The following FHOD3 variants were observed in gnomAD, a reference collection of about 807,000 sequenced individuals.
The protein encoded by FHOD3 is formin homology 2 domain containing 3.
Under a neutral mutation model 173.0 loss-of-function variants are expected in FHOD3, and 90 were observed. That is an observed-to-expected ratio of 0.52 (90% CI 0.44 to 0.62). FHOD3 has a LOEUF of 0.62. Among genes scored for constraint, FHOD3 ranks in the 20% least tolerant of loss-of-function variants. The pLI is 0.00. For missense variants in FHOD3, 1,945 were observed against 2,034.7 expected (o/e 0.96, Z 0.85); for synonymous variants, 828 against 823.0 (o/e 1.01, Z -0.10).
intron 12 of FHOD3, 137 bp downstream of exon 12, chr18:36,653,066 A>C: frequency 8.2e-7 from 1 of 1,213,434 alleles, no homozygotes; most frequent in South Asian, 1.6e-5. Flanking sequence ...TTGTGGCATA[A>C]ACTTAAGTTG....
chr18:36,398,285 A>G (rs2048645679), intron 3 of FHOD3, among the ~76,000 whole-genome samples: 1 of 152,224 alleles, frequency 6.6e-6, no homozygotes, highest in Non-Finnish European at 1.5e-5. Context: ...TGGGATGCTG[A>G]TGGCATCTCA....
At chr18:36,334,014 C>T (rs2045167120) in intron 1 of FHOD3, among the ~76,000 whole-genome samples, 1 of 152,194 alleles carries the variant, frequency 6.6e-6, no homozygotes. Flanking sequence ...GAGGCCTTGA[C>T]TGACCCCTGT....
intron 5 of FHOD3, among the ~76,000 whole-genome samples, chr18:36,566,321 T>A (rs527796226): frequency 2.6e-5 from 4 of 152,236 alleles, no homozygotes; most frequent in South Asian, 2.1e-4. Flanking sequence ...TAAACATTTT[T>A]AAAAAATCAA....
intron 8 of FHOD3, 109 bp downstream of exon 8, chr18:36,602,877 GAT>G (rs1285224040): frequency 2.4e-6 from 2 of 833,272 alleles, no homozygotes; most frequent in East Asian, 2.6e-5. Context: ...TGTCGTAGCA[GAT>G]ATAATCTGGT....
chr18:36,738,973 G>A (rs2041775771), intron 20 of FHOD3, among the ~76,000 whole-genome samples: 1 of 152,180 alleles, frequency 6.6e-6, no homozygotes, highest in Non-Finnish European at 1.5e-5. Flanking sequence ...AGCAGGACTT[G>A]TTTTCTGGTC....
chr18:36,450,447 A>G (rs397832839), intron 3 of FHOD3, among the ~76,000 whole-genome samples: 62 of 82,260 alleles, frequency 7.5e-4, no homozygotes, highest in East Asian at 1.3e-3. Context: ...CAGTTTGTTT[A>G]TTTATTTATT....
chr18:36,298,143 C>G (rs1345314756), intron 1 of FHOD3, 143 bp downstream of exon 1: 14 of 714,736 alleles, frequency 2.0e-5, no homozygotes, highest in Non-Finnish European at 2.9e-5. Flanking sequence ...GCAAATCCCC[C>G]TCCCCGTTAG....
chr18:36,482,854 C>G (rs1283613919), intron 3 of FHOD3, among the ~76,000 whole-genome samples: 119 of 97,940 alleles, frequency 1.2e-3, no homozygotes, highest in African/African-American at 4.6e-3. Context: ...CACTCACACA[C>G]ACACAGAGAG....
intron 8 of FHOD3, 100 bp from the exon 9 acceptor site, chr18:36,611,852 G>A: frequency 8.3e-7 from 1 of 1,201,796 alleles, no homozygotes; most frequent in South Asian, 1.6e-5. Flanking sequence ...TAGTGGCCAT[G>A]ATTATAACAA....
At chr18:36,592,674 G>T (rs535663776) in intron 6 of FHOD3, among the ~76,000 whole-genome samples, 1 of 152,156 alleles carries the variant, frequency 6.6e-6, no homozygotes, top group Non-Finnish European at 1.5e-5. Flanking sequence ...AGCACTGGTG[G>T]GTGGATTTGC....
At position 36,625,519 on chromosome 18, in the gene FHOD3, C is replaced by T. The variant is rs201751167; in HGVS notation, c.966C>T (p.Leu322=). The T allele has an allele frequency of 7.7e-6, 11 of 1,424,280 alleles. No homozygotes were observed. In the East Asian group the frequency reaches 7.9e-5, roughly 10 times the overall value. The allele number at this position is 1,424,280 out of a possible 1,614,324, so 88.2% of individuals were successfully genotyped here. ...GTGCTCTGCTTTTCCAGGTGGCGCTCAGGCACGAGGATGGCGATGAGACCA... is the reference window on the plus strand; with the variant it reads ...GTGCTCTGCTTTTCCAGGTGGCGCTTAGGCACGAGGATGGCGATGAGACCA... ...VEQLNIYEVA[L]RHEDGDETTE... is the part of the protein sequence containing the mutation. The change falls in exon 10 of 29, where the codon CTC becomes CTT. Residue 322 remains leucine (L), a synonymous_variant. Coordinates refer to ENST00000590592, the MANE Select transcript of FHOD3 (RefSeq NM_001281740.3).
At chr18:36,384,312 G>A (rs530889715) in intron 3 of FHOD3, among the ~76,000 whole-genome samples, 6 of 152,088 alleles carry the variant, frequency 3.9e-5, no homozygotes, top group Middle Eastern at 6.8e-3. Flanking sequence ...CCCAGGAGGC[G>A]GAGATTCCAG....
intron 2 of FHOD3, among the ~76,000 whole-genome samples, chr18:36,367,268 T>G (rs2046944742): frequency 6.6e-6 from 1 of 152,194 alleles, no homozygotes; most frequent in Non-Finnish European, 1.5e-5. Context: ...CTTGAGTTGC[T>G]TATCTATTTT....
intron 3 of FHOD3, among the ~76,000 whole-genome samples, chr18:36,474,529 C>G (rs2145230334): frequency 6.6e-6 from 1 of 152,278 alleles, no homozygotes; most frequent in East Asian, 1.9e-4. Context: ...AGCTGTTTCC[C>G]TGCAGCTGGA....
intron 2 of FHOD3, among the ~76,000 whole-genome samples, chr18:36,361,489 C>T (rs2046612334): frequency 6.6e-6 from 1 of 151,910 alleles, no homozygotes; most frequent in East Asian, 1.9e-4. Flanking sequence ...AGTTCGCTAC[C>T]AGCCTGGCCA....
At chr18:36,439,539 G>A (rs879469396) in intron 3 of FHOD3, among the ~76,000 whole-genome samples, 308 of 151,278 alleles carry the variant, frequency 2.0e-3, no homozygotes, top group Non-Finnish European at 3.7e-3. Context: ...GTGTGTGTGT[G>A]TGTGTGTGTG....
intron 5 of FHOD3, among the ~76,000 whole-genome samples, chr18:36,534,984 T>A (rs2056936203): frequency 6.6e-6 from 1 of 152,254 alleles, no homozygotes; most frequent in African/African-American, 2.4e-5. Context: ...GATGTCTTTA[T>A]AATGTTTTTC....
intron 16 of FHOD3, among the ~76,000 whole-genome samples, chr18:36,692,350 A>G (rs1040430943): frequency 3.3e-5 from 5 of 152,336 alleles, no homozygotes; most frequent in African/African-American, 1.2e-4. Context: ...AGTGGTAGGT[A>G]AGATAGTAAG....
chr18:36,533,991 C>T lies in FHOD3; in HGVS notation c.511+21448C>T, dbSNP rs531227430. On this transcript the variant is annotated intron_variant, in intron 5 of 28. Coordinates refer to ENST00000590592, the MANE Select transcript of FHOD3 (RefSeq NM_001281740.3). ...CCTTCTCTCCCACACAAGTGGACCT[C>T]CTGCCTCCAATGATAAGAAGCTCAC... 2.4e-4 allele frequency among the ~76,000 whole-genome samples: 36 copies of T among 152,296 alleles called. No homozygotes were observed. The South Asian group carries it at 7.2e-3, about 31-fold the overall frequency.
Sources: allele counts gnomAD v4.1 joint callset (sites outside exome capture counted in the v4.1 genomes callset), GRCh38; gene constraint gnomAD v4.1.1; transcripts MANE v1.5; gene names NCBI Gene and HGNC (gene_info 2026-07-23, HGNC 2026-07-21).